The following CACYBP variants were observed in gnomAD, a reference collection of about 807,000 sequenced individuals.
CACYBP encodes the protein calcyclin-binding protein.
Under a neutral mutation model 29.6 loss-of-function variants are expected in CACYBP, and 11 were observed. The ratio of observed to expected loss-of-function variants is 0.37; its 90% CI spans 0.23 to 0.61. The LOEUF is 0.61. Among genes scored for constraint, CACYBP ranks in the 20% least tolerant of loss-of-function variants. CACYBP has a pLI of 0.65. For synonymous variants in CACYBP, 73 were observed against 88.3 expected (o/e 0.83, Z 0.97); for missense variants, 163 against 260.7 (o/e 0.63, Z 2.58).
At chr1:175,009,887 C>G (rs771182530) in intron 5 of CACYBP, 36 bp from the exon 6 acceptor site, 147 of 1,559,140 alleles carry the variant, frequency 9.4e-5, no homozygotes, top group South Asian at 3.6e-5. Context: ...CCGGTGCTTT[C>G]GTTTCCCCAT....
In CACYBP at chr1:175,006,616, A is replaced by T. The variant is rs531621444; in HGVS notation, c.236-129A>T. ...AACCTAGAAAATTTCTTATATTTCAAATTTTTTCATGTTTATATGACTGGA... is the reference window on the plus strand; with the variant it reads ...AACCTAGAAAATTTCTTATATTTCATATTTTTTCATGTTTATATGACTGGA... On this transcript the variant is annotated intron_variant, in intron 2 of 5. Coordinates refer to ENST00000367679, the MANE Select transcript of CACYBP (RefSeq NM_014412.3). 780 of 551,478 alleles carry T rather than the reference A, an allele frequency of 1.4e-3. 12 individuals are homozygous for T. Among genetic ancestry groups the T allele is most frequent in the South Asian group, 0.013 (501 of 37,482 alleles). The allele number at this position is 551,478 out of a possible 1,614,324, so 34.2% of individuals were successfully genotyped here. A position where few individuals can be genotyped will look rare whatever the true frequency, so the allele number is the denominator to read the frequency against.
chr1:175,009,065 T>C (rs1297695646), intron 5 of CACYBP, among the ~76,000 whole-genome samples: 1 of 152,226 alleles, frequency 6.6e-6, no homozygotes, highest in African/African-American at 2.4e-5. Context: ...AATATTTTTA[T>C]CCTTCTTAAT....
At chr1:175,007,910 G>A (rs1013231480) in intron 4 of CACYBP, among the ~76,000 whole-genome samples, 3 of 152,070 alleles carry the variant, frequency 2.0e-5, no homozygotes, top group Non-Finnish European at 4.4e-5. Flanking sequence ...AGTTTAATGC[G>A]TTAGGTATAT....
intron 4 of CACYBP, 123 bp from the exon 5 acceptor site, chr1:175,008,486 G>T: frequency 1.7e-6 from 1 of 579,642 alleles, no homozygotes; most frequent in South Asian, 2.5e-5. Flanking sequence ...AAGTATTACT[G>T]GCACCCAAAA....
intron 4 of CACYBP, 30 bp from the exon 5 acceptor site, chr1:175,008,579 G>C: frequency 1.1e-6 from 1 of 951,810 alleles, no homozygotes. Context: ...TGTCTTCTAA[G>C]CTGTATTTGT....
chr1:175,000,914 T>C (rs1168587894), intron 1 of CACYBP, among the ~76,000 whole-genome samples: 1 of 152,336 alleles, frequency 6.6e-6, no homozygotes, highest in East Asian at 1.9e-4. Flanking sequence ...GTTTGCTCAG[T>C]TAGAAAATGG....
chr1:175,009,643 C>CAG (rs1553305314), intron 5 of CACYBP, among the ~76,000 whole-genome samples: 1 of 100,506 alleles, frequency 9.9e-6, no homozygotes, highest in Non-Finnish European at 1.9e-5. Flanking sequence ...AGGACTGTCT[C>CAG]AAAAAAAAAA....
chr1:175,000,670 C>T, intron 1 of CACYBP: 1 of 947,654 alleles, frequency 1.1e-6, no homozygotes, highest in Non-Finnish European at 1.3e-6. Flanking sequence ...CTGTGTTACT[C>T]TGGGCAAGTT....
chr1:175,003,319 G>GTGTTGGTCA (rs1407680420), intron 1 of CACYBP, among the ~76,000 whole-genome samples: 1 of 152,058 alleles, frequency 6.6e-6, no homozygotes, highest in Admixed American at 6.5e-5. Context: ...GGCTTTCGCC[G>GTGTTGGTCA]TGTTGGTCAT....
chr1:175,006,125 A>G (rs998953559), intron 2 of CACYBP, among the ~76,000 whole-genome samples: 1 of 152,202 alleles, frequency 6.6e-6, no homozygotes, highest in African/African-American at 2.4e-5. Flanking sequence ...AAGTATTTAT[A>G]TATATGTCTT....
intron 4 of CACYBP, 83 bp from the exon 5 acceptor site, chr1:175,008,526 A>G (rs953382555): frequency 9.2e-6 from 7 of 759,288 alleles, no homozygotes; most frequent in African/African-American, 3.5e-5. Flanking sequence ...GACTTGATCA[A>G]TTGAATAGAT....
At chr1:175,009,883 CTTTCG>C in intron 5 of CACYBP, 35 bp from the exon 6 acceptor site, 1 of 1,544,154 alleles carries the variant, frequency 6.5e-7, no homozygotes, top group Non-Finnish European at 8.8e-7. Context: ...TCTTCCGGTG[CTTTCG>C]TTTCCCCATT....
At chr1:175,008,251 T>C (rs1165787637) in intron 4 of CACYBP, among the ~76,000 whole-genome samples, 1 of 152,082 alleles carries the variant, frequency 6.6e-6, no homozygotes, top group Non-Finnish European at 1.5e-5. Flanking sequence ...ACCAAGATGA[T>C]CCCATCTTGG....
rs1195816628 is a variant in CACYBP, at chr1:175,011,047, T to C, written c.*968T>C. 6.8e-6 allele frequency: 1 copy of C among 146,128 alleles called. No individual in the cohort carries two copies. The highest frequency in any genetic ancestry group is 2.6e-5 in the African/African-American group (1 of 38,942). The allele number at this position is 146,128 out of a possible 1,614,324, so 9.1% of individuals were successfully genotyped here. A position where few individuals can be genotyped will look rare whatever the true frequency, so the allele number is the denominator to read the frequency against. ...TCAGCCCAGGAGTTTAAGGCTGCAG[T>C]GAGCTATGATGATGCCACTGTACTG... On this transcript the variant is annotated 3_prime_UTR_variant, in exon 6 of 6. Coordinates refer to ENST00000367679, the MANE Select transcript of CACYBP (RefSeq NM_014412.3).
intron 1 of CACYBP, chr1:175,000,403 C>G: frequency 7.1e-7 from 1 of 1,405,894 alleles, no homozygotes; most frequent in Non-Finnish European, 9.2e-7. Flanking sequence ...GCACCCCACT[C>G]GCCTGCTGGG....
chr1:175,005,277 C>A (rs1236741203), intron 2 of CACYBP, among the ~76,000 whole-genome samples: 1 of 152,182 alleles, frequency 6.6e-6, no homozygotes, highest in Non-Finnish European at 1.5e-5. Flanking sequence ...AAGACCCAGT[C>A]CTTGCTCATG....
At chr1:175,004,551 T>TA (rs1672568281) in intron 1 of CACYBP, 63 bp from the exon 2 acceptor site, 3 of 955,748 alleles carry the variant, frequency 3.1e-6, no homozygotes, top group Non-Finnish European at 4.7e-6. Flanking sequence ...AAATGAGTGA[T>TA]ACGCACAATA....
At chr1:174,999,836 G>T (rs960681425), upstream of CACYBP, 10 of 459,084 alleles carry the variant, frequency 2.2e-5, no homozygotes, top group African/African-American at 8.6e-5. Context: ...TCGCTCGCGA[G>T]ACTTGAGCGT....
chr1:175,012,004 T>C lies in CACYBP; in HGVS notation c.*1925T>C, dbSNP rs773469251. ...CTGTAACTCCAGCTACTCGGGAGAC[T>C]GAAGGACAAGAATCACTTGAACCTG... On this transcript the variant is annotated 3_prime_UTR_variant, in exon 6 of 6. Transcript: ENST00000367679. Among the ~76,000 whole-genome samples the C allele has an allele frequency of 6.6e-6, 1 of 152,144 alleles. No homozygotes were observed. The highest frequency in any genetic ancestry group is 1.5e-5 in the Non-Finnish European group (1 of 68,020).
Sources: gnomAD v4.1 joint callset for allele counts (sites outside exome capture counted in the v4.1 genomes callset) on GRCh38, gnomAD v4.1.1 for gene constraint, MANE v1.5 for transcripts, NCBI Gene and HGNC (gene_info 2026-07-23, HGNC 2026-07-21) for gene names.